The following ADCY8 variants were observed in gnomAD, a reference collection of about 807,000 sequenced individuals.
ADCY8 encodes adenylate cyclase 8, also known as adenylate cyclase type 8.
A neutral mutation model predicts 119.7 loss-of-function variants in ADCY8; 51 were observed. The observed-to-expected ratio is 0.43, with a 90% CI of 0.34 to 0.54. The LOEUF is 0.54. ADCY8 is among the 20% of genes least tolerant of loss of function. ADCY8 has a pLI of 0.03. For synonymous variants in ADCY8, 665 were observed against 651.0 expected, an observed-to-expected ratio of 1.02 and a Z score of -0.33; for missense variants, 1,383 against 1,598.8, an observed-to-expected ratio of 0.87 and a Z score of 2.30.
rs1034326187 is a variant in ADCY8 at position 130,780,866 on chromosome 8, C to T, written c.3280G>A (p.Gly1094Ser). The T allele has an allele frequency of 6.2e-6, 10 of 1,613,290 alleles. No homozygotes were observed. The highest frequency in any genetic ancestry group is 6.8e-6 in the Non-Finnish European group (8 of 1,179,332). The part of the protein sequence containing the change: ...NFELRIGISH[G>S]SVVAGVIGAK... Reference sequence around the variant, plus strand: ...CCGATAACGCCAGCTACCACTGAGCCGTGGCTGATGCCTGGGGGGTGAAGC... The same window carrying T: ...CCGATAACGCCAGCTACCACTGAGCTGTGGCTGATGCCTGGGGGGTGAAGC... Residue 1094 changes from glycine (G) to serine (S), a missense_variant, in exon 18 of 18, where the codon GGC becomes AGC. Gly to Ser is a moderately conservative substitution (Grantham distance 56). Around this residue, in one of 2 missense-constraint regions of ADCY8, gnomAD observed 928 missense variants for 1,163.5 expected, o/e 0.80. Transcript: ENST00000286355.
chr8:130,795,091 G>C (rs1326230838), intron 15 of ADCY8, among the ~76,000 whole-genome samples: 1 of 152,112 alleles, frequency 6.6e-6, no homozygotes, highest in Non-Finnish European at 1.5e-5. Context: ...AGTATACAAA[G>C]CATAAATTAA....
chr8:130,857,546 A>T (rs990767107), intron 9 of ADCY8, among the ~76,000 whole-genome samples: 1 of 152,150 alleles, frequency 6.6e-6, no homozygotes, highest in African/African-American at 2.4e-5. Flanking sequence ...TACTTAGTCA[A>T]CATTCTCTGT....
In ADCY8 at chr8:131,040,314, C is replaced by T. The variant is rs866174887; in HGVS notation, c.20G>A (p.Arg7His). The change falls in exon 1 of 18, where the codon CGC (arginine) becomes CAC (histidine). Residue 7 changes from arginine (R) to histidine (H), a missense_variant. Arg to His is a conservative substitution (Grantham distance 29). Coordinates refer to ENST00000286355, the MANE Select transcript of ADCY8 (RefSeq NM_001115.3). ...GAGTTCCTCGCTGCCTGTAAGGCAGCGCACATCGGAGAGCTCCATGGCTCT... is the reference window on the plus strand; with the variant it reads ...GAGTTCCTCGCTGCCTGTAAGGCAGTGCACATCGGAGAGCTCCATGGCTCT... MELSDV[R>H]CLTGSEELYT... 4.6e-6 allele frequency: 7 copies of T among 1,535,186 alleles called. No homozygotes were observed. The highest frequency in any genetic ancestry group is 6.1e-6 in the Non-Finnish European group (7 of 1,145,736).
intron 7 of ADCY8, chr8:130,892,102 T>C (rs1189661480): frequency 6.6e-6 from 1 of 152,150 alleles, no homozygotes; most frequent in Non-Finnish European, 1.5e-5. Flanking sequence ...TAAATAATTT[T>C]CATAATAGTC....
chr8:131,009,560 G>T (rs1823234663), intron 1 of ADCY8, among the ~76,000 whole-genome samples: 3 of 152,142 alleles, frequency 2.0e-5, no homozygotes, highest in Admixed American at 6.5e-5. Context: ...ACCTCACCAG[G>T]TATGCAGAAC....
At position 131,039,773 on chromosome 8, in the gene ADCY8, C is replaced by T; in HGVS notation, c.561G>A (p.Val187=). Reference sequence around the variant, plus strand: ...GAGTGAGTTTGGTCAGCACGTCCAGCACGTTCATCACCACTTCCGATTTGC... The same window carrying T: ...GAGTGAGTTTGGTCAGCACGTCCAGTACGTTCATCACCACTTCCGATTTGC... The part of the protein sequence containing the change: ...QRRKSEVVMN[V]LDVLTKLTLL... Residue 187 remains valine, a synonymous_variant, in exon 1 of 18, where the codon GTG becomes GTA. Transcript: ENST00000286355. The T allele has an allele frequency of 6.2e-7, 1 of 1,614,220 alleles. No individual in the cohort carries two copies. Among genetic ancestry groups the T allele is most frequent in the Non-Finnish European group, 8.5e-7 (1 of 1,180,044 alleles).
At chr8:130,828,899 G>C (rs978883647) in intron 12 of ADCY8, among the ~76,000 whole-genome samples, 1 of 152,160 alleles carries the variant, frequency 6.6e-6, no homozygotes, top group Admixed American at 6.5e-5. Context: ...GCAGGGTATA[G>C]AGCTCAAACC....
At chr8:130,924,149 C>A (rs1302379636) in intron 5 of ADCY8, among the ~76,000 whole-genome samples, 2 of 152,132 alleles carry the variant, frequency 1.3e-5, no homozygotes, top group Non-Finnish European at 2.9e-5. Flanking sequence ...CAGAATTGGT[C>A]CCCTTGTGCT....
intron 9 of ADCY8, among the ~76,000 whole-genome samples, chr8:130,866,980 T>A (rs1200797076): frequency 6.6e-6 from 1 of 152,168 alleles, no homozygotes; most frequent in East Asian, 1.9e-4. Context: ...AACTGTGTCA[T>A]CCTCAGGGGC....
chr8:131,010,843 G>T (rs1563766658), intron 1 of ADCY8, among the ~76,000 whole-genome samples: 1 of 152,196 alleles, frequency 6.6e-6, no homozygotes, highest in Non-Finnish European at 1.5e-5. Flanking sequence ...AGGAAATTTG[G>T]CTATCCTGGA....
At chr8:130,891,419 T>C (rs1300329424) in intron 7 of ADCY8, among the ~76,000 whole-genome samples, 1 of 152,186 alleles carries the variant, frequency 6.6e-6, no homozygotes, top group Admixed American at 6.6e-5. Context: ...TTTGTGTTCT[T>C]TTTTTGACAG....
chr8:130,929,436 G>C (rs1247410780), intron 5 of ADCY8, among the ~76,000 whole-genome samples: 1 of 152,122 alleles, frequency 6.6e-6, no homozygotes, highest in African/African-American at 2.4e-5. Context: ...ATGTATTTGT[G>C]AATTTTGTGA....
chr8:131,037,511 T>TA (rs1296880428), intron 1 of ADCY8, among the ~76,000 whole-genome samples: 1 of 152,242 alleles, frequency 6.6e-6, no homozygotes, highest in Admixed American at 6.5e-5. Context: ...TTAAGTTTTC[T>TA]AGTTGTGTGT....
intron 9 of ADCY8, among the ~76,000 whole-genome samples, chr8:130,860,797 C>T (rs1370896153): frequency 6.6e-6 from 1 of 152,096 alleles, no homozygotes; most frequent in African/African-American, 2.4e-5. Flanking sequence ...CCCTTGCCCC[C>T]CACCCCCAAC....
chr8:130,855,798 T>C (rs891167854), intron 9 of ADCY8, among the ~76,000 whole-genome samples: 2 of 152,002 alleles, frequency 1.3e-5, no homozygotes, highest in African/African-American at 4.8e-5. Flanking sequence ...TCCTCTCCTG[T>C]CCACCCTTCT....
rs1422309586 is a variant in ADCY8, at chr8:130,985,222, G to A, written c.1110+5171C>T. Among the ~76,000 whole-genome samples the A allele has an allele frequency of 5.9e-5, 9 of 152,248 alleles. No individual in the cohort carries two copies. In the East Asian group the frequency reaches 1.7e-3, roughly 29 times the overall value. On this transcript the variant is annotated intron_variant, in intron 2 of 17. Transcript: ENST00000286355. ...GAGGCAAAAATAAGGCAAGGGTATA[G>A]CAGAATATATAAAGAGATTAATTCC...
intron 12 of ADCY8, among the ~76,000 whole-genome samples, chr8:130,830,643 A>G (rs1300876188): frequency 6.6e-6 from 1 of 152,170 alleles, no homozygotes; most frequent in East Asian, 1.9e-4. Context: ...AACCTTGGGT[A>G]TCTACCCCAG....
intron 2 of ADCY8, among the ~76,000 whole-genome samples, chr8:130,958,366 T>C (rs72714501): frequency 0.01 from 1,589 of 152,204 alleles, 10 homozygotes; most frequent in Middle Eastern, 0.024. Flanking sequence ...ATGCAAAAGT[T>C]ACCCTCTCGT....
At chr8:130,956,425 G>C (rs1434682385) in intron 2 of ADCY8, among the ~76,000 whole-genome samples, 1 of 152,118 alleles carries the variant, frequency 6.6e-6, no homozygotes. Context: ...CCTGTGGTTT[G>C]CACATGGACT....
Sources: gnomAD v4.1 joint callset for allele counts (sites outside exome capture counted in the v4.1 genomes callset) on GRCh38, gnomAD v4.1.1 for gene constraint, gnomAD v4.1.1 regional missense constraint, MANE v1.5 for transcripts, NCBI Gene and HGNC (gene_info 2026-07-23, HGNC 2026-07-21) for gene names.